The following PAPSS2 variants were observed in gnomAD, a reference collection of about 807,000 sequenced individuals.
PAPSS2 encodes 3'-phosphoadenosine 5'-phosphosulfate synthase 2, also known as bifunctional 3'-phosphoadenosine 5'-phosphosulfate synthase 2.
In PAPSS2, 61 loss-of-function variants were observed where a neutral mutation model predicts 66.5. The ratio of observed to expected loss-of-function variants is 0.92; its 90% confidence interval spans 0.75 to 1.14. PAPSS2 has a LOEUF of 1.14. PAPSS2 is among the 50% of genes most tolerant of loss of function. The pLI, the probability that PAPSS2 is intolerant of heterozygous loss-of-function variation, is 0.00. For missense variants in PAPSS2, 708 were observed against 789.6 expected, an observed-to-expected ratio of 0.90 and a Z score of 1.24; for synonymous variants, 289 against 287.5, an observed-to-expected ratio of 1.01 and a Z score of -0.05.
intron 1 of PAPSS2, among the ~76,000 whole-genome samples, chr10:87,697,905 A>G (rs1007242803): frequency 1.3e-5 from 2 of 152,226 alleles, no homozygotes; most frequent in African/African-American, 2.4e-5. Context: ...CTGTAACAGC[A>G]TGCACAGTCC....
intron 9 of PAPSS2, among the ~76,000 whole-genome samples, chr10:87,728,740 G>GT (rs1853690491): frequency 6.7e-6 from 1 of 148,604 alleles, no homozygotes; most frequent in Non-Finnish European, 1.5e-5. Flanking sequence ...CTGTCTGAAA[G>GT]AAAAAAAAAA....
chr10:87,746,126 T>C lies in PAPSS2; in HGVS notation c.*156T>C. ...CTATAATTAAAAAAAAATATATATATATACACACACACATATACATACAAA... is the reference window on the plus strand; with the variant it reads ...CTATAATTAAAAAAAAATATATATACATACACACACACATATACATACAAA... On this transcript the variant is annotated 3_prime_UTR_variant, in exon 13 of 13. Transcript: ENST00000456849. 1 of 580,434 alleles carries C rather than the reference T, an allele frequency of 1.7e-6. No individual in the cohort carries two copies. The highest frequency in any genetic ancestry group is 2.2e-5 in the South Asian group (1 of 45,684). 36.0% of individuals were successfully genotyped at this position (580,434 alleles called of 1,614,324 possible).
intron 10 of PAPSS2, 80 bp from the exon 11 acceptor site, chr10:87,743,293 T>C (rs1484411170): frequency 1.1e-4 from 150 of 1,306,870 alleles, no homozygotes; most frequent in Middle Eastern, 5.2e-4. Context: ...ACAATAAACA[T>C]AGCTGTGTCC....
intron 9 of PAPSS2, among the ~76,000 whole-genome samples, chr10:87,738,892 G>A (rs1337835688): frequency 6.6e-6 from 1 of 152,120 alleles, no homozygotes; most frequent in African/African-American, 2.4e-5. Flanking sequence ...TTTTGTCATT[G>A]AGTTGTAGGA....
rs1853936875 is a variant in PAPSS2 at position 87,746,125 on chromosome 10, A to G, written c.*155A>G. 3 of 582,534 alleles carry G rather than the reference A, an allele frequency of 5.1e-6. No individual in the cohort carries two copies. Among genetic ancestry groups the G allele is most frequent in the Non-Finnish European group, 8.7e-6 (3 of 343,136 alleles). 36.1% of individuals were successfully genotyped at this position (582,534 alleles called of 1,614,324 possible). A position where few individuals can be genotyped will look rare whatever the true frequency, so the allele number is the denominator to read the frequency against. ...TCTATAATTAAAAAAAAATATATAT[A>G]TATACACACACACATATACATACAA... On this transcript the variant is annotated 3_prime_UTR_variant, in exon 13 of 13. Coordinates refer to ENST00000456849, the MANE Select transcript of PAPSS2 (RefSeq NM_001015880.2).
At position 87,743,552 on chromosome 10, in the gene PAPSS2, G is replaced by A. The variant is rs748708861; in HGVS notation, c.1402G>A (p.Ala468Thr). The change falls in exon 11 of 13, where the codon GCG becomes ACG. Residue 468 changes from alanine (A) to threonine (T), a missense_variant. Physicochemically the swap from Ala to Thr is moderately conservative, Grantham distance 58. Transcript: ENST00000456849. ...VPLDWRMKQHAAVLEEGVLDP... is the reference protein window; with the variant it reads ...VPLDWRMKQHTAVLEEGVLDP... ...TCTAGACTGGCGGATGAAGCAGCAC[G>A]CGGCTGTGCTCGAGGAAGGGGTCCT... The A allele has an allele frequency of 8.1e-6, 13 of 1,614,124 alleles. No homozygotes were observed. The highest frequency in any genetic ancestry group is 3.3e-4 in the Middle Eastern group (2 of 6,060).
intron 1 of PAPSS2, among the ~76,000 whole-genome samples, chr10:87,687,941 T>C (rs1853109151): frequency 6.6e-6 from 1 of 152,224 alleles, no homozygotes; most frequent in Non-Finnish European, 1.5e-5. Flanking sequence ...TGATTTAGAC[T>C]GTGCTATTGG....
intron 9 of PAPSS2, 128 bp from the exon 10 acceptor site, chr10:87,741,107 C>A: frequency 1.1e-6 from 1 of 951,340 alleles, no homozygotes; most frequent in Non-Finnish European, 1.7e-6. Context: ...AAATACTGTG[C>A]CAGAAATACT....
At chr10:87,720,336 A>C (rs1461693001) in intron 7 of PAPSS2, among the ~76,000 whole-genome samples, 2 of 152,224 alleles carry the variant, frequency 1.3e-5, no homozygotes, top group East Asian at 3.8e-4. Flanking sequence ...GGAGGGTATC[A>C]GGAGGAAGCC....
intron 1 of PAPSS2, among the ~76,000 whole-genome samples, chr10:87,706,100 ATATATATATGTGTGTGTGTG>A (rs1206375602): frequency 1.2e-5 from 1 of 80,340 alleles, no homozygotes; most frequent in East Asian, 3.4e-4. Flanking sequence ...ATATATATAT[ATATATATATGTGTGTGTGTG>A]TGTGTGTGTG....
At chr10:87,698,237 C>G (rs182382576) in intron 1 of PAPSS2, among the ~76,000 whole-genome samples, 69 of 152,132 alleles carry the variant, frequency 4.5e-4, no homozygotes, top group African/African-American at 1.6e-3. Flanking sequence ...TATGTTTTCC[C>G]CTTAAAGTGT....
At chr10:87,672,270 AG>A (rs1423541775) in intron 1 of PAPSS2, among the ~76,000 whole-genome samples, 11 of 152,318 alleles carry the variant, frequency 7.2e-5, no homozygotes, top group Middle Eastern at 6.8e-3. Flanking sequence ...TTTGGTATGA[AG>A]GGTTTCTTAT....
At chr10:87,663,450 G>A (rs375876412) in intron 1 of PAPSS2, among the ~76,000 whole-genome samples, 165 of 152,106 alleles carry the variant, frequency 1.1e-3, no homozygotes, top group African/African-American at 3.7e-3. Flanking sequence ...AGACACTACC[G>A]AAGGCAAGAC....
chr10:87,733,723 G>T (rs888610662), intron 9 of PAPSS2, among the ~76,000 whole-genome samples: 1 of 152,044 alleles, frequency 6.6e-6, no homozygotes, highest in South Asian at 2.1e-4. Flanking sequence ...GATTCTAATG[G>T]GCTGTGAAGG....
At chr10:87,668,414 C>T (rs1230033980) in intron 1 of PAPSS2, among the ~76,000 whole-genome samples, 1 of 152,166 alleles carries the variant, frequency 6.6e-6, no homozygotes, top group Non-Finnish European at 1.5e-5. Context: ...GCCTTATATT[C>T]TTTAATTATA....
Position 87,746,411 on chromosome 10 carries a change from A to G in PAPSS2, c.*441A>G, listed in dbSNP as rs1853941173. On this transcript the variant is annotated 3_prime_UTR_variant, in exon 13 of 13. Coordinates refer to ENST00000456849, the MANE Select transcript of PAPSS2 (RefSeq NM_001015880.2). ...TCCTCTTCTGTACAATTGACAAAAA[A>G]AAAAATTTTTTTTTCTCACTCTAAA... The G allele has an allele frequency of 1.3e-5, 2 of 154,060 alleles. No homozygotes were observed. Among genetic ancestry groups the G allele is most frequent in the South Asian group, 2.0e-4 (1 of 4,916 alleles). 9.5% of individuals were successfully genotyped at this position (154,060 alleles called of 1,614,324 possible).
intron 8 of PAPSS2, among the ~76,000 whole-genome samples, chr10:87,724,535 T>TACAG (rs1223225898): frequency 6.6e-6 from 1 of 151,234 alleles, no homozygotes; most frequent in African/African-American, 2.4e-5. Context: ...TCTATCTATA[T>TACAG]ACAGATATGC....
At chr10:87,716,877 C>T (rs1274053141) in intron 7 of PAPSS2, among the ~76,000 whole-genome samples, 1 of 152,216 alleles carries the variant, frequency 6.6e-6, no homozygotes. Flanking sequence ...TATCCCTATA[C>T]CACGTCTCTG....
chr10:87,713,984 T>C, intron 3 of PAPSS2, 60 bp from the exon 4 acceptor site: 1 of 1,586,324 alleles, frequency 6.3e-7, no homozygotes, highest in Non-Finnish European at 8.6e-7. Flanking sequence ...CACAGTGTTT[T>C]GTGATTTAGA....
Sources: allele counts gnomAD v4.1 joint callset (sites outside exome capture counted in the v4.1 genomes callset), GRCh38; gene constraint gnomAD v4.1.1; transcripts MANE v1.5; gene names NCBI Gene and HGNC (gene_info 2026-07-23, HGNC 2026-07-21).